RAB3IP: variants seen among roughly 807,000 people sequenced by gnomAD.
The protein encoded by RAB3IP is rab-3A-interacting protein.
Under a neutral mutation model 59.1 loss-of-function variants are expected in RAB3IP, and 36 were observed. The ratio of observed to expected loss-of-function variants is 0.61; its 90% CI spans 0.47 to 0.80. The LOEUF is 0.80. Ranked by LOEUF, RAB3IP falls within the 30% of genes least tolerant of loss-of-function variation. The pLI is 0.00. For missense variants in RAB3IP, 511 were observed against 536.0 expected (o/e 0.95, Z 0.46); for synonymous variants, 207 against 191.2 (o/e 1.08, Z -0.68).
chr12:69,807,962 A>G (rs942760713), intron 8 of RAB3IP, among the ~76,000 whole-genome samples: 11 of 152,200 alleles, frequency 7.2e-5, no homozygotes, highest in Non-Finnish European at 1.5e-4. Flanking sequence ...GCAGATCTCT[A>G]GTTCTTTCAA....
intron 3 of RAB3IP, among the ~76,000 whole-genome samples, chr12:69,773,118 A>G (rs1283434821): frequency 2.6e-5 from 4 of 151,884 alleles, no homozygotes; most frequent in Non-Finnish European, 4.4e-5. Context: ...ATATTCTCCT[A>G]CTTCCTCCTG....
chr12:69,795,302 G>C lies in RAB3IP; in HGVS notation c.846G>C (p.Gln282His). The change falls in exon 6 of 11, where the codon CAG becomes CAC. Residue 282 changes from glutamine to histidine, a missense_variant. Coordinates refer to ENST00000247833, the MANE Select transcript of RAB3IP (RefSeq NM_022456.5). The stretch of plus-strand genomic sequence containing the variant: ...GCAGTGCTATGAGTGGCAGTCATCA[G>C]GACCTCAGTGTGATACAGCCAATTG... The part of the protein sequence containing the change: ...STSSAMSGSH[Q>H]DLSVIQPIVK... The C allele has an allele frequency of 6.2e-7, 1 of 1,614,096 alleles. No homozygotes were observed. Among genetic ancestry groups the C allele is most frequent in the East Asian group, 2.2e-5 (1 of 44,890 alleles).
At chr12:69,783,260 C>T (rs1007975067) in intron 3 of RAB3IP, among the ~76,000 whole-genome samples, 2 of 152,148 alleles carry the variant, frequency 1.3e-5, no homozygotes, top group African/African-American at 4.8e-5. Context: ...TCCTTTGTCT[C>T]GTAGGTAATC....
intron 1 of RAB3IP, among the ~76,000 whole-genome samples, chr12:69,746,045 T>C (rs1446763650): frequency 1.3e-5 from 2 of 152,214 alleles, no homozygotes; most frequent in Non-Finnish European, 2.9e-5. Flanking sequence ...TGAATAAATA[T>C]AAATGAAGCT....
At chr12:69,797,766 A>T (rs11177857) in intron 6 of RAB3IP, among the ~76,000 whole-genome samples, 15,223 of 151,032 alleles carry the variant, frequency 0.1, 861 homozygotes, top group South Asian at 0.18. Flanking sequence ...GAGTGAGAAT[A>T]TATGGTGTTT....
rs1477579177 is a variant in RAB3IP at position 69,817,686 on chromosome 12, A to ACACT, written c.*2241_*2242insACTC. 2.0e-5 allele frequency: 3 copies of ACACT among 149,388 alleles called. No individual in the cohort carries two copies. The East Asian group carries it at 5.9e-4, about 29-fold the overall frequency. 9.3% of individuals were successfully genotyped at this position (149,388 alleles called of 1,614,324 possible). A position where few individuals can be genotyped will look rare whatever the true frequency, so the allele number is the denominator to read the frequency against. On this transcript the variant is annotated 3_prime_UTR_variant, in exon 11 of 11. Coordinates refer to ENST00000247833, the MANE Select transcript of RAB3IP (RefSeq NM_022456.5). ...CACACACACACACACACACACACAC[A>ACACT]CTGTGTCCATGAACTTGGGAGGATG... is the stretch of plus-strand genomic sequence containing the variant.
In RAB3IP at chr12:69,820,169, G is replaced by A. The variant is rs1011737272; in HGVS notation, c.*4723G>A. 1 of 152,266 alleles carries A rather than the reference G, an allele frequency of 6.6e-6. No homozygotes were observed. The highest frequency in any genetic ancestry group is 1.9e-4 in the East Asian group (1 of 5,184). 9.4% of individuals were successfully genotyped at this position (152,266 alleles called of 1,614,324 possible). A position where few individuals can be genotyped will look rare whatever the true frequency, so the allele number is the denominator to read the frequency against. ...AAGACACTGCTTAAAAGAGTCCAAT[G>A]CAGTATGAATTTGTATTTGTGTTTA... On this transcript the variant is annotated 3_prime_UTR_variant, in exon 11 of 11. Transcript: ENST00000247833.
At chr12:69,788,115 T>A (rs1299821806) in intron 4 of RAB3IP, among the ~76,000 whole-genome samples, 1 of 152,166 alleles carries the variant, frequency 6.6e-6, no homozygotes, top group Non-Finnish European at 1.5e-5. Context: ...GATGAAGGTC[T>A]GGTCTAAGTT....
chr12:69,786,907 A>G (rs2136210636), intron 4 of RAB3IP, among the ~76,000 whole-genome samples: 1 of 152,320 alleles, frequency 6.6e-6, no homozygotes, highest in South Asian at 2.1e-4. Flanking sequence ...CTTTCTGGAA[A>G]ACAAAGTACA....
intron 4 of RAB3IP, among the ~76,000 whole-genome samples, chr12:69,788,425 TAGAAAA>T (rs1876065883): frequency 6.6e-6 from 1 of 152,036 alleles, no homozygotes; most frequent in Non-Finnish European, 1.5e-5. Context: ...TATCTAAACA[TAGAAAA>T]AGTAAAGTAA....
At chr12:69,740,250 A>G (rs908704675) in intron 1 of RAB3IP, among the ~76,000 whole-genome samples, 6 of 152,192 alleles carry the variant, frequency 3.9e-5, no homozygotes, top group African/African-American at 1.4e-4. Flanking sequence ...AATATTTGAT[A>G]CTGTTAAATA....
chr12:69,801,432 T>G (rs1259214846), intron 7 of RAB3IP, among the ~76,000 whole-genome samples, 177 bp from the exon 8 acceptor site: 1 of 152,208 alleles, frequency 6.6e-6, no homozygotes, highest in African/African-American at 2.4e-5. Flanking sequence ...TTCATAACAG[T>G]GTTTGGATTA....
chr12:69,767,706 G>A (rs1400104582), intron 3 of RAB3IP, among the ~76,000 whole-genome samples: 3 of 152,218 alleles, frequency 2.0e-5, no homozygotes, highest in Non-Finnish European at 4.4e-5. Flanking sequence ...CTCTGCACAG[G>A]AGGAGTGAGG....
rs770956105 is a variant in RAB3IP at position 69,756,415 on chromosome 12, A to G, written c.262A>G (p.Thr88Ala). 1.9e-6 allele frequency: 3 copies of G among 1,613,772 alleles called. No homozygotes were observed. Among genetic ancestry groups the G allele is most frequent in the South Asian group, 1.1e-5 (1 of 90,984 alleles). Residue 88 changes from threonine to alanine, a missense_variant, in exon 3 of 11, where the codon ACA becomes GCA. Transcript: ENST00000247833. ...CTCTCTCCTTTACAGCTTTCATGTT[A>G]CAGACCCAGCCCCTTGCTCTACCTC... ...AEISSISFHV[T>A]DPAPCSTSGV...
chr12:69,815,266 T>C, intron 10 of RAB3IP, 98 bp from the exon 11 acceptor site: 1 of 846,856 alleles, frequency 1.2e-6, no homozygotes, highest in Non-Finnish European at 1.9e-6. Context: ...CTTTAGGAAA[T>C]GCACAATTGA....
intron 3 of RAB3IP, among the ~76,000 whole-genome samples, chr12:69,763,976 A>G (rs1025313864): frequency 1.3e-5 from 2 of 152,212 alleles, no homozygotes; most frequent in African/African-American, 2.4e-5. Context: ...TCCTTGGTGT[A>G]TATGCACTAC....
At chr12:69,811,121 C>G (rs1314422639) in intron 8 of RAB3IP, among the ~76,000 whole-genome samples, 1 of 152,120 alleles carries the variant, frequency 6.6e-6, no homozygotes, top group Non-Finnish European at 1.5e-5. Flanking sequence ...CCTTAGCAAC[C>G]TAATGTAGGA....
intron 3 of RAB3IP, among the ~76,000 whole-genome samples, chr12:69,784,320 T>TA (rs959607045): frequency 6.6e-6 from 1 of 151,780 alleles, no homozygotes; most frequent in Non-Finnish European, 1.5e-5. Flanking sequence ...AAAGTAAACA[T>TA]AAAAAAAGTG....
Position 69,746,655 on chromosome 12 carries a change from A to G in RAB3IP, c.-26+7624A>G, listed in dbSNP as rs143070891. Among the ~76,000 whole-genome samples the G allele has an allele frequency of 1.6e-3, 240 of 152,318 alleles. 1 individual carries two copies. Among genetic ancestry groups the G allele is most frequent in the African/African-American group, 5.6e-3 (234 of 41,578 alleles). On this transcript the variant is annotated intron_variant, in intron 1 of 10. Coordinates refer to ENST00000247833, the MANE Select transcript of RAB3IP (RefSeq NM_022456.5). ...CCAACAAGAATAAATATAATTTATC[A>G]CATATATGTATGAAATAAATGTATT...
Sources: allele counts gnomAD v4.1 joint callset (sites outside exome capture counted in the v4.1 genomes callset), GRCh38; gene constraint gnomAD v4.1.1; transcripts MANE v1.5; gene names NCBI Gene and HGNC (gene_info 2026-07-23, HGNC 2026-07-21).